SPMIP7: variants seen among roughly 807,000 people sequenced by gnomAD.
The protein encoded by SPMIP7 is protein SPMIP7.
the SPMIP7 span, among the ~76,000 whole-genome samples, chr7:50,140,895 T>A: frequency 2.6e-5 from 4 of 152,178 alleles, no homozygotes; most frequent in Non-Finnish European, 5.9e-5. Flanking sequence ...TCTGCACCTG[T>A]GAGGGTTTCC....
chr7:50,113,325 G>A, the SPMIP7 span, among the ~76,000 whole-genome samples: 1 of 131,054 alleles, frequency 7.6e-6, no homozygotes, highest in African/African-American at 2.8e-5. Context: ...TACTTTTCAT[G>A]CAAAGAAGCA....
At chr7:50,120,496 G>A in the SPMIP7 span, 3 of 152,226 alleles carry the variant, frequency 2.0e-5, no homozygotes, top group Non-Finnish European at 4.4e-5. Flanking sequence ...TCTTGCCCAT[G>A]GTGCTAAACA....
the SPMIP7 span, among the ~76,000 whole-genome samples, chr7:50,143,876 A>G: frequency 6.6e-6 from 1 of 152,194 alleles, no homozygotes; most frequent in Admixed American, 6.5e-5. Context: ...CCACTATAAC[A>G]TTACCACATA....
chr7:50,104,312 A>G, the SPMIP7 span: 3 of 1,484,866 alleles, frequency 2.0e-6, no homozygotes, highest in South Asian at 1.4e-5. Context: ...TTGTGTTTTC[A>G]GGTTGGACAA....
the SPMIP7 span, among the ~76,000 whole-genome samples, chr7:50,126,457 T>A: frequency 6.6e-6 from 1 of 151,844 alleles, no homozygotes; most frequent in African/African-American, 2.4e-5. Context: ...TTATCAAACA[T>A]TCTAGGAAAC....
the SPMIP7 span, among the ~76,000 whole-genome samples, chr7:50,128,869 T>C: frequency 6.6e-6 from 1 of 151,940 alleles, no homozygotes; most frequent in Admixed American, 6.6e-5. Flanking sequence ...AACAAAAATA[T>C]AGCCTCTCCT....
At chr7:50,100,728 C>T in the SPMIP7 span, among the ~76,000 whole-genome samples, 56 of 151,834 alleles carry the variant, frequency 3.7e-4, no homozygotes, top group African/African-American at 1.2e-3. Context: ...AGGAGAATGG[C>T]GTGAACCTGG....
chr7:50,137,812 T>C, the SPMIP7 span, among the ~76,000 whole-genome samples: 1 of 152,188 alleles, frequency 6.6e-6, no homozygotes, highest in Non-Finnish European at 1.5e-5. Flanking sequence ...ATCTGTAACT[T>C]GCCTGCTTAT....
the SPMIP7 span, among the ~76,000 whole-genome samples, chr7:50,115,312 T>G: frequency 6.6e-6 from 1 of 152,178 alleles, no homozygotes; most frequent in Admixed American, 6.5e-5. Context: ...TCAAAATACA[T>G]GAAGCACAAA....
chr7:50,125,817 G>A, the SPMIP7 span, among the ~76,000 whole-genome samples: 18 of 152,138 alleles, frequency 1.2e-4, no homozygotes, highest in Middle Eastern at 3.4e-3. Flanking sequence ...GTTTCCAGGA[G>A]CTGAGGGGTG....
chr7:50,099,190 T>C, the SPMIP7 span, among the ~76,000 whole-genome samples: 1 of 152,258 alleles, frequency 6.6e-6, no homozygotes, highest in East Asian at 1.9e-4. Flanking sequence ...GTGTATTAGG[T>C]CTATTTGGTC....
At chr7:50,141,255 G>C in the SPMIP7 span, 5 of 1,364,926 alleles carry the variant, frequency 3.7e-6, no homozygotes, top group Admixed American at 2.0e-5. Flanking sequence ...AGAAATATAT[G>C]CCTTCTTTCC....
At chr7:50,140,096 A>G in the SPMIP7 span, 4 of 1,312,920 alleles carry the variant, frequency 3.0e-6, no homozygotes, top group Non-Finnish European at 4.1e-6. Flanking sequence ...ATGTTTATTA[A>G]CTTAATATAA....
At chr7:50,106,734 G>A in the SPMIP7 span, among the ~76,000 whole-genome samples, 71 of 152,192 alleles carry the variant, frequency 4.7e-4, no homozygotes, top group African/African-American at 1.3e-3. Context: ...GCAAATATGC[G>A]TAAAATGTTG....
the SPMIP7 span, chr7:50,134,268 A>G: frequency 6.6e-7 from 1 of 1,507,130 alleles, no homozygotes; most frequent in African/African-American, 1.4e-5. Flanking sequence ...TCTCTGAACA[A>G]TAATGTATTT....
At chr7:50,105,173 C>A in the SPMIP7 span, among the ~76,000 whole-genome samples, 1 of 152,144 alleles carries the variant, frequency 6.6e-6, no homozygotes, top group African/African-American at 2.4e-5. Flanking sequence ...AATCCTAAGA[C>A]ATACACAGAT....
At chr7:50,136,540 A>C in the SPMIP7 span, among the ~76,000 whole-genome samples, 3 of 152,200 alleles carry the variant, frequency 2.0e-5, no homozygotes, top group East Asian at 3.8e-4. Flanking sequence ...ATAAACAAAT[A>C]AATAAATACA....
chr7:50,121,570 C>T, the SPMIP7 span, among the ~76,000 whole-genome samples: 100 of 152,260 alleles, frequency 6.6e-4, no homozygotes, highest in African/African-American at 2.3e-3. Flanking sequence ...CTCTGAACTG[C>T]TTTTGTGTTG....
chr7:50,140,581 C>T, the SPMIP7 span, among the ~76,000 whole-genome samples: 32 of 152,220 alleles, frequency 2.1e-4, no homozygotes, highest in African/African-American at 7.7e-4. Flanking sequence ...TTAATTTCTA[C>T]ATTTAATGCC....
Sources: gnomAD v4.1 joint callset for allele counts (sites outside exome capture counted in the v4.1 genomes callset) on GRCh38, gnomAD v4.1.1 for gene constraint, MANE v1.5 for transcripts, NCBI Gene and HGNC (gene_info 2026-07-23, HGNC 2026-07-21) for gene names.